Variants in CDKL3 observed in about 807,000 individuals in gnomAD.
CDKL3 encodes the protein cyclin dependent kinase like 3.
A neutral mutation model predicts 69.3 loss-of-function variants in CDKL3; 65 were observed. The observed-to-expected ratio is 0.94, with a 90% CI of 0.77 to 1.15. The LOEUF (loss-of-function observed/expected upper bound fraction) is 1.15. CDKL3 is among the 50% of genes most tolerant of loss of function. The pLI, the probability that CDKL3 is intolerant of heterozygous loss-of-function variation, is 0.00. For missense variants in CDKL3, 652 were observed against 689.2 expected, an observed-to-expected ratio of 0.95 and a Z score of 0.61; for synonymous variants, 202 against 221.6, an observed-to-expected ratio of 0.91 and a Z score of 0.79.
rs1768566801 is a variant in CDKL3, at chr5:134,308,682, G to T, written c.927C>A (p.Val309=). The T allele has an allele frequency of 6.2e-7, 1 of 1,603,930 alleles. No homozygotes were observed. The highest frequency in any genetic ancestry group is 8.5e-7 in the Non-Finnish European group (1 of 1,177,634). ...TCTCTTTTGGCTTTATTAATGAATT[G>T]ACTTTTGCTTCCTGCAGTAATTTAG... ...LKAKLLQEAK[V]NSLIKPKESS... is the part of the protein sequence containing the mutation. Residue 309 remains valine, a synonymous_variant, in exon 8 of 13, where the codon GTC becomes GTA. Transcript: ENST00000265334.
chr5:134,367,664 G>GC (rs924789394), upstream of CDKL3, among the ~76,000 whole-genome samples: 3 of 152,118 alleles, frequency 2.0e-5, no homozygotes, highest in African/African-American at 4.8e-5. Context: ...GTAAGCCACC[G>GC]CCCCCGGTCA....
chr5:134,350,466 AT>A, intron 3 of CDKL3, 39 bp from the exon 4 acceptor site: 1 of 1,342,386 alleles, frequency 7.4e-7, no homozygotes, highest in African/African-American at 1.5e-5. Flanking sequence ...TTAAAATGAG[AT>A]TTCATTATCC....
At chr5:134,364,087 A>G (rs574373933) in intron 2 of CDKL3, among the ~76,000 whole-genome samples, 39 of 152,308 alleles carry the variant, frequency 2.6e-4, no homozygotes, top group African/African-American at 8.7e-4. Context: ...TCTGCTGCAT[A>G]TGAAACAGCT....
chr5:134,368,567 G>A (rs549047404), upstream of CDKL3, among the ~76,000 whole-genome samples: 78 of 147,222 alleles, frequency 5.3e-4, no homozygotes, highest in African/African-American at 1.8e-3. Context: ...TGCAGTGAGC[G>A]GAGATCGCAC....
chr5:134,337,155 C>T lies in CDKL3; in HGVS notation c.539+13094G>A, dbSNP rs1481163620. On this transcript the variant is annotated intron_variant, in intron 4 of 12. Transcript: ENST00000265334. The stretch of plus-strand genomic sequence containing the variant: ...CTCCATGGGCATGGGACCTGCTGAG[C>T]CAGGCACGGGAGAGAATCTCCTGGT... Among the ~76,000 whole-genome samples, 3 of 152,186 alleles carry T rather than the reference C, an allele frequency of 2.0e-5. No individual in the cohort carries two copies. In the East Asian group the frequency reaches 5.8e-4, roughly 29 times the overall value.
intron 2 of CDKL3, among the ~76,000 whole-genome samples, chr5:134,363,354 C>T (rs1181768052): frequency 3.3e-5 from 5 of 151,328 alleles, no homozygotes; most frequent in African/African-American, 9.7e-5. Flanking sequence ...AGTGCAGTGG[C>T]GTGGTCTCGG....
intron 4 of CDKL3, among the ~76,000 whole-genome samples, chr5:134,334,764 T>G (rs901792731): frequency 2.0e-5 from 3 of 152,214 alleles, no homozygotes; most frequent in Non-Finnish European, 4.4e-5. Context: ...AAGTGTGATG[T>G]GGTGCTGAGA....
At chr5:134,352,627 T>C (rs1296933901) in intron 3 of CDKL3, among the ~76,000 whole-genome samples, 1 of 152,084 alleles carries the variant, frequency 6.6e-6, no homozygotes, top group Non-Finnish European at 1.5e-5. Context: ...TATTTATTTT[T>C]TTAAAGACAC....
intron 12 of CDKL3, 66 bp from the exon 13 acceptor site, chr5:134,298,776 T>G: frequency 6.4e-7 from 1 of 1,565,742 alleles, no homozygotes; most frequent in Non-Finnish European, 8.6e-7. Context: ...ACCAAAACTC[T>G]GACTTTATTA....
chr5:134,348,022 T>C (rs560037310), intron 4 of CDKL3, among the ~76,000 whole-genome samples: 55 of 152,256 alleles, frequency 3.6e-4, no homozygotes, highest in Middle Eastern at 3.4e-3. Flanking sequence ...TTGTAAGATA[T>C]ATGAATCATA....
intron 4 of CDKL3, among the ~76,000 whole-genome samples, chr5:134,323,445 A>C (rs986549852): frequency 3.3e-5 from 5 of 152,170 alleles, no homozygotes; most frequent in African/African-American, 1.2e-4. Flanking sequence ...AAAAAGAACA[A>C]AGACTGACAC....
At chr5:134,334,868 T>C (rs1776679669) in intron 4 of CDKL3, among the ~76,000 whole-genome samples, 1 of 152,194 alleles carries the variant, frequency 6.6e-6, no homozygotes, top group Non-Finnish European at 1.5e-5. Flanking sequence ...TGGATATCCT[T>C]GTTAATTTTC....
intron 12 of CDKL3, among the ~76,000 whole-genome samples, chr5:134,301,500 A>T (rs532322279): frequency 9.8e-4 from 149 of 152,274 alleles, no homozygotes; most frequent in Non-Finnish European, 7.3e-4. Flanking sequence ...CAGATTTTTT[A>T]AAATATTTTT....
chr5:134,354,005 G>A (rs1446235947), intron 3 of CDKL3, among the ~76,000 whole-genome samples: 1 of 152,100 alleles, frequency 6.6e-6, no homozygotes. Flanking sequence ...TTAGTTTCCC[G>A]ATTTGCCAGG....
chr5:134,334,576 T>C (rs891240561), intron 4 of CDKL3, among the ~76,000 whole-genome samples: 4 of 152,202 alleles, frequency 2.6e-5, no homozygotes, highest in Non-Finnish European at 5.9e-5. Context: ...ATTTACCCAG[T>C]AGTCATTCAG....
chr5:134,350,840 A>G (rs1256722859), intron 3 of CDKL3, among the ~76,000 whole-genome samples: 1 of 150,174 alleles, frequency 6.7e-6, no homozygotes, highest in African/African-American at 2.5e-5. Flanking sequence ...AGAAAAAAAA[A>G]AAAAGAAAAA....
chr5:134,307,426 T>C (rs769282957), intron 9 of CDKL3, among the ~76,000 whole-genome samples: 4 of 152,228 alleles, frequency 2.6e-5, no homozygotes, highest in Non-Finnish European at 5.9e-5. Flanking sequence ...GCTGTACCTT[T>C]GGACTGACAT....
At chr5:134,296,656 G>T (rs1177829252), downstream of CDKL3, among the ~76,000 whole-genome samples, 1 of 152,090 alleles carries the variant, frequency 6.6e-6, no homozygotes, top group Non-Finnish European at 1.5e-5. Flanking sequence ...TATCAGGAAA[G>T]AATGTTTGCG....
intron 4 of CDKL3, among the ~76,000 whole-genome samples, chr5:134,339,098 G>A (rs927119196): frequency 9.2e-5 from 14 of 151,960 alleles, no homozygotes; most frequent in Non-Finnish European, 1.8e-4. Context: ...AAGTTGTAGT[G>A]AGGTAGTGAG....
Sources: allele counts gnomAD v4.1 joint callset (sites outside exome capture counted in the v4.1 genomes callset), GRCh38; gene constraint gnomAD v4.1.1; transcripts MANE v1.5; gene names NCBI Gene and HGNC (gene_info 2026-07-23, HGNC 2026-07-21).